LNX2: variants seen among roughly 807,000 people sequenced by gnomAD.
LNX2 encodes the protein ligand of numb-protein X 2.
A neutral mutation model predicts 66.2 loss-of-function variants in LNX2; 35 were observed. That is an observed-to-expected ratio of 0.53 (90% CI 0.40 to 0.70). The LOEUF (loss-of-function observed/expected upper bound fraction) is 0.70. Among genes scored for constraint, LNX2 ranks in the 30% least tolerant of loss-of-function variants. LNX2 has a pLI of 0.00. For missense variants in LNX2, 791 were observed against 850.8 expected (o/e 0.93, Z 0.87); for synonymous variants, 337 against 315.6 (o/e 1.07, Z -0.72).
rs1954963552 is a variant in LNX2 at position 27,548,077 on chromosome 13, A to T, written c.*258T>A. 2 of 423,118 alleles carry T rather than the reference A, an allele frequency of 4.7e-6. No homozygotes were observed. Among genetic ancestry groups the T allele is most frequent in the Non-Finnish European group, 4.2e-6 (1 of 235,424 alleles). The allele number at this position is 423,118 out of a possible 1,614,324, so 26.2% of individuals were successfully genotyped here. A position where few individuals can be genotyped will look rare whatever the true frequency, so the allele number is the denominator to read the frequency against. ...GTGAGCTTTGCTCATTACCATAGGT[A>T]ACATTTTAACAACTAAGTCTGAATT... On this transcript the variant is annotated 3_prime_UTR_variant, in exon 10 of 10. Coordinates refer to ENST00000316334, the MANE Select transcript of LNX2 (RefSeq NM_153371.4).
intron 1 of LNX2, among the ~76,000 whole-genome samples, chr13:27,583,524 C>T (rs1213871488): frequency 9.5e-6 from 1 of 105,646 alleles, no homozygotes; most frequent in African/African-American, 4.8e-5. Flanking sequence ...TCCCAAAGTG[C>T]TGATTACAGG....
intron 1 of LNX2, among the ~76,000 whole-genome samples, chr13:27,602,600 T>C (rs145045565): frequency 1.6e-3 from 237 of 152,314 alleles, no homozygotes; most frequent in African/African-American, 5.0e-3. Flanking sequence ...GTGTCCCTTA[T>C]TGATGGACAA....
chr13:27,582,841 T>A (rs1396891246), intron 1 of LNX2, among the ~76,000 whole-genome samples: 1 of 151,512 alleles, frequency 6.6e-6, no homozygotes, highest in African/African-American at 2.4e-5. Flanking sequence ...GTATACCTAA[T>A]GTAACAAACC....
chr13:27,616,375 G>A (rs35339319), intron 1 of LNX2, among the ~76,000 whole-genome samples: 15,784 of 152,124 alleles, frequency 0.1, 847 homozygotes, highest in Middle Eastern at 0.12. Flanking sequence ...TTCGATAGGT[G>A]GTAGTAAAAC....
At chr13:27,603,529 A>G (rs935478419) in intron 1 of LNX2, among the ~76,000 whole-genome samples, 1 of 152,232 alleles carries the variant, frequency 6.6e-6, no homozygotes, top group Non-Finnish European at 1.5e-5. Flanking sequence ...CGATGCCATT[A>G]TAGAACTCAG....
chr13:27,580,540 C>T (rs1195667390), intron 2 of LNX2, among the ~76,000 whole-genome samples: 1 of 152,110 alleles, frequency 6.6e-6, no homozygotes, highest in East Asian at 1.9e-4. Context: ...TATACTGTAA[C>T]TCTTCCTAAG....
intron 6 of LNX2, 97 bp downstream of exon 6, chr13:27,559,745 A>G: frequency 1.7e-6 from 2 of 1,190,570 alleles, no homozygotes; most frequent in Non-Finnish European, 2.3e-6. Context: ...TGCTTTATTG[A>G]GGTGTGACTG....
intron 1 of LNX2, among the ~76,000 whole-genome samples, chr13:27,618,616 T>TA (rs1406059214): frequency 7.9e-5 from 12 of 152,344 alleles, no homozygotes; most frequent in East Asian, 3.9e-4. Context: ...TAATCTGGTA[T>TA]AAAAAATCCT....
chr13:27,550,209 C>G, intron 9 of LNX2, 124 bp downstream of exon 9: 7 of 774,716 alleles, frequency 9.0e-6, no homozygotes, highest in Non-Finnish European at 1.4e-5. Flanking sequence ...TGTAGCTGCA[C>G]TGCAATGAAA....
intron 4 of LNX2, among the ~76,000 whole-genome samples, chr13:27,564,262 T>C (rs1359498023): frequency 3.9e-5 from 6 of 152,220 alleles, no homozygotes; most frequent in Admixed American, 3.9e-4. Context: ...GAATGCATGG[T>C]TGCCAGTGAA....
At chr13:27,616,205 G>A (rs1038277627) in intron 1 of LNX2, among the ~76,000 whole-genome samples, 3 of 151,540 alleles carry the variant, frequency 2.0e-5, no homozygotes, top group Non-Finnish European at 4.4e-5. Context: ...GTAGCAGGGA[G>A]TGCCATTCCA....
intron 3 of LNX2, 113 bp from the exon 4 acceptor site, chr13:27,567,952 C>T (rs1955227031): frequency 1.2e-6 from 1 of 817,208 alleles, no homozygotes; most frequent in African/African-American, 1.7e-5. Context: ...ACATGATTAA[C>T]AGCTAAGCAG....
intron 1 of LNX2, among the ~76,000 whole-genome samples, chr13:27,585,818 A>C (rs954667491): frequency 6.6e-6 from 1 of 152,008 alleles, no homozygotes; most frequent in Non-Finnish European, 1.5e-5. Flanking sequence ...AGCCTCCCAC[A>C]TGATGACTAA....
rs545711703 is a variant in LNX2, at chr13:27,598,638, A to G, written c.-100-16835T>C. 3.3e-4 allele frequency among the ~76,000 whole-genome samples: 31 copies of G among 92,886 alleles called. No homozygotes were observed. The South Asian group carries it at 8.8e-3, about 26-fold the overall frequency. 60.9% of individuals were successfully genotyped at this position (92,886 alleles called of 152,430 possible). ...TCCTCCCCATTTTTCAAATGAGGAA[A>G]CTGAGAGTAAGGCCCAAGACCTAAA... On this transcript the variant is annotated intron_variant, in intron 1 of 9. Coordinates refer to ENST00000316334, the MANE Select transcript of LNX2 (RefSeq NM_153371.4).
intron 2 of LNX2, among the ~76,000 whole-genome samples, chr13:27,577,189 A>G (rs1353570158): frequency 6.6e-6 from 1 of 152,208 alleles, no homozygotes; most frequent in Non-Finnish European, 1.5e-5. Flanking sequence ...ATCTATTCAA[A>G]TCCTTTGCCC....
At chr13:27,577,044 G>T (rs2147154) in intron 2 of LNX2, among the ~76,000 whole-genome samples, 1 of 151,906 alleles carries the variant, frequency 6.6e-6, no homozygotes, top group East Asian at 1.9e-4. Context: ...CATATATCTG[G>T]TAAGGGTCTA....
chr13:27,589,755 A>C (rs1955528273), intron 1 of LNX2, among the ~76,000 whole-genome samples: 1 of 152,268 alleles, frequency 6.6e-6, no homozygotes, highest in African/African-American at 2.4e-5. Context: ...ATTTGGAAAC[A>C]GAATTTACAT....
intron 1 of LNX2, among the ~76,000 whole-genome samples, chr13:27,587,759 C>G (rs1264946850): frequency 6.6e-6 from 1 of 151,788 alleles, no homozygotes. Context: ...CGGTGGCTCA[C>G]GCCTGTAATC....
chr13:27,594,854 C>G (rs1046518959), intron 1 of LNX2, among the ~76,000 whole-genome samples: 14 of 152,030 alleles, frequency 9.2e-5, no homozygotes, highest in Admixed American at 5.9e-4. Flanking sequence ...CCATTCCCAC[C>G]ACCTCTCTCA....
Sources: allele counts gnomAD v4.1 joint callset (sites outside exome capture counted in the v4.1 genomes callset), GRCh38; gene constraint gnomAD v4.1.1; transcripts MANE v1.5; gene names NCBI Gene and HGNC (gene_info 2026-07-23, HGNC 2026-07-21).